DMD: variants seen among roughly 807,000 people sequenced by gnomAD.
DMD encodes mutant dystrophin.
Under a neutral mutation model 330.1 loss-of-function variants are expected in DMD, and 63 were observed. The observed-to-expected ratio is 0.19, with a 90% CI of 0.16 to 0.24. DMD has a LOEUF of 0.24. DMD is among the 10% of genes least tolerant of loss of function. The probability of loss-of-function intolerance (pLI) is 1.00; values close to 1 mark genes in which losing one functional copy is unlikely to be tolerated. For synonymous variants in DMD, 1,223 were observed against 959.8 expected (o/e 1.27, Z -5.07); for missense variants, 3,344 against 2,684.1 (o/e 1.25, Z -5.43).
intron 53 of DMD, among the ~76,000 whole-genome samples, chrX:31,675,657 G>A: frequency 9.0e-6 from 1 of 111,259 alleles, no homozygotes; most frequent in East Asian, 2.8e-4. Context: ...CACCGCGCCC[G>A]GCCTCACCAT....
intron 2 of DMD, among the ~76,000 whole-genome samples, chrX:32,993,160 G>A (rs1032652049): frequency 1.8e-5 from 2 of 111,388 alleles, no homozygotes; most frequent in South Asian, 3.7e-4. Flanking sequence ...AAAGCCTACA[G>A]TTTTTAAACC....
chrX:32,698,253 AAC>A (rs2063802687), intron 8 of DMD, among the ~76,000 whole-genome samples: 1 of 111,568 alleles, frequency 9.0e-6, no homozygotes, highest in Non-Finnish European at 1.9e-5. Context: ...ATTCCAAAGT[AAC>A]ACAACTCCAA....
At chrX:32,824,075 C>T (rs1490721655) in intron 4 of DMD, among the ~76,000 whole-genome samples, 1 of 111,772 alleles carries the variant, frequency 8.9e-6, no homozygotes, top group East Asian at 2.8e-4. Context: ...GCACATTTAT[C>T]ATAATGGTTA....
At chrX:32,465,007 T>G (rs2098396583) in intron 23 of DMD, among the ~76,000 whole-genome samples, 1 of 111,853 alleles carries the variant, frequency 8.9e-6, no homozygotes, top group Non-Finnish European at 1.9e-5. Context: ...ACAAAACAAC[T>G]CATGAGAATA....
At chrX:31,274,030 G>A (rs959853520) in intron 62 of DMD, among the ~76,000 whole-genome samples, 1 of 112,239 alleles carries the variant, frequency 8.9e-6, no homozygotes, top group African/African-American at 3.2e-5. Flanking sequence ...GTATGTTCAG[G>A]AATAGTTAGG....
At chrX:31,983,290 T>C (rs1400038216) in intron 44 of DMD, among the ~76,000 whole-genome samples, 1 of 99,484 alleles carries the variant, frequency 1.0e-5, no homozygotes, top group African/African-American at 3.4e-5. Flanking sequence ...TTTTTCCATA[T>C]ATACTTACTT....
chrX:32,951,910 G>A (rs1183353609), intron 2 of DMD, among the ~76,000 whole-genome samples: 1 of 110,821 alleles, frequency 9.0e-6, no homozygotes, highest in East Asian at 2.8e-4. Flanking sequence ...AGCCCTCGGG[G>A]CCTCTTGTGC....
chrX:32,450,406 A>G (rs776509552), intron 26 of DMD, among the ~76,000 whole-genome samples: 39 of 111,399 alleles, frequency 3.5e-4, no homozygotes, highest in Non-Finnish European at 5.9e-4. Context: ...TTAGTTCAAT[A>G]TTCTAAATAA....
At chrX:31,422,235 C>T (rs925830919) in intron 60 of DMD, among the ~76,000 whole-genome samples, 4 of 108,514 alleles carry the variant, frequency 3.7e-5, no homozygotes, top group African/African-American at 1.3e-4. Context: ...GTCTCGAACT[C>T]CTGGCCTCAG....
intron 43 of DMD, among the ~76,000 whole-genome samples, chrX:32,240,789 C>A (rs889315854): frequency 4.5e-5 from 5 of 111,398 alleles, no homozygotes; most frequent in African/African-American, 1.6e-4. Flanking sequence ...TTCAGCCTCA[C>A]CAGAAAGCAA....
intron 51 of DMD, among the ~76,000 whole-genome samples, chrX:31,739,238 T>C (rs1037653649): frequency 2.7e-5 from 3 of 111,252 alleles, no homozygotes; most frequent in Non-Finnish European, 5.7e-5. Context: ...AACTTAAAAA[T>C]ATAAAAATAA....
At chrX:31,872,962 G>A (rs1054619815) in intron 48 of DMD, among the ~76,000 whole-genome samples, 1 of 110,784 alleles carries the variant, frequency 9.0e-6, no homozygotes, top group Non-Finnish European at 1.9e-5. Context: ...TCCCTGAGAC[G>A]ATGATGTGTT....
chrX:31,874,245 G>T (rs996729073), intron 48 of DMD, among the ~76,000 whole-genome samples: 1 of 111,218 alleles, frequency 9.0e-6, no homozygotes, highest in Non-Finnish European at 1.9e-5. Context: ...AGAAAACCAA[G>T]ATCACAGGTA....
intron 7 of DMD, among the ~76,000 whole-genome samples, chrX:32,789,999 C>T (rs779462164): frequency 9.0e-6 from 1 of 111,512 alleles, no homozygotes; most frequent in African/African-American, 3.3e-5. Context: ...ATATAAAATT[C>T]CTAATAATTT....
intron 60 of DMD, among the ~76,000 whole-genome samples, chrX:31,362,992 C>T (rs901661619): frequency 8.0e-5 from 9 of 111,837 alleles, no homozygotes; most frequent in African/African-American, 1.3e-4. Flanking sequence ...ACAGAGTAAA[C>T]TTCCAGAGTA....
chrX:32,326,057 C>G (rs753015585), intron 41 of DMD, among the ~76,000 whole-genome samples: 1 of 112,015 alleles, frequency 8.9e-6, no homozygotes, highest in Non-Finnish European at 1.9e-5. Context: ...TTTGAAGTCA[C>G]TTTGCTAAGC....
chrX:32,371,410 G>A (rs1247841021), intron 34 of DMD, among the ~76,000 whole-genome samples: 1 of 110,280 alleles, frequency 9.1e-6, no homozygotes, highest in Non-Finnish European at 1.9e-5. Flanking sequence ...GCGGTAGGAT[G>A]AACATACTAT....
chrX:32,806,504 C>T (rs1388303271), intron 7 of DMD, among the ~76,000 whole-genome samples: 2 of 110,905 alleles, frequency 1.8e-5, no homozygotes, highest in South Asian at 3.8e-4. Context: ...TAGTGGGAGA[C>T]TTTAACACCC....
At chrX:32,701,823 C>CA in intron 7 of DMD, among the ~76,000 whole-genome samples, 1 of 111,388 alleles carries the variant, frequency 9.0e-6, no homozygotes, top group Admixed American at 9.6e-5. Context: ...TATTGCCCCC[C>CA]AAAAAATTTC....
Sources: allele counts gnomAD v4.1 joint callset (sites outside exome capture counted in the v4.1 genomes callset), GRCh38; gene constraint gnomAD v4.1.1; transcripts MANE v1.5; gene names NCBI Gene and HGNC (gene_info 2026-07-23, HGNC 2026-07-21).